CPT2: variants seen among roughly 807,000 people sequenced by gnomAD.
The protein encoded by CPT2 is carnitine palmitoyltransferase 2, also known as carnitine O-palmitoyltransferase 2, mitochondrial.
Under a neutral mutation model 48.6 loss-of-function variants are expected in CPT2, and 37 were observed. The observed-to-expected ratio is 0.76, with a 90% confidence interval of 0.59 to 1.00. The LOEUF is 1.00. CPT2 is among the 50% of genes least tolerant of loss of function. The pLI is 0.00. For missense variants in CPT2, 772 were observed against 825.6 expected (o/e 0.94, Z 0.80); for synonymous variants, 319 against 326.9 (o/e 0.98, Z 0.26).
intron 1 of CPT2, 67 bp downstream of exon 1, chr1:53,197,162 T>A: frequency 6.6e-7 from 1 of 1,525,388 alleles, no homozygotes; most frequent in Non-Finnish European, 8.8e-7. Flanking sequence ...CTGACTGCAG[T>A]CACTCATGAC....
At chr1:53,201,650 G>A (rs1572380530) in intron 2 of CPT2, 1 of 154,182 alleles carries the variant, frequency 6.5e-6, no homozygotes, top group East Asian at 1.9e-4. Context: ...AAAGTGGATT[G>A]CATTAAGCTC....
rs2100255111 is a variant in CPT2, at chr1:53,197,096, G to T, written c.152+1G>T. ...TGCACTACCAGGACAGCCTGCCCAG[G>T]TGAGCCTGGCCTCCGGGTCCCCGCC... On this transcript the variant is annotated splice_donor_variant, in intron 1 of 4. Coordinates refer to ENST00000371486, the MANE Select transcript of CPT2 (RefSeq NM_000098.3). LOFTEE classifies it high-confidence loss of function. The T allele has an allele frequency of 6.5e-7, 1 of 1,538,154 alleles. No homozygotes were observed.
chr1:53,209,799 A>G, intron 3 of CPT2: 1 of 588,568 alleles, frequency 1.7e-6, no homozygotes, highest in Non-Finnish European at 3.0e-6. Flanking sequence ...CAAAAACATT[A>G]TTGTAAGTGA....
In CPT2 at chr1:53,213,365, A is replaced by G; in HGVS notation, c.1747A>G (p.Asn583Asp). The change falls in exon 5 of 5, where the codon AAC becomes GAC. Residue 583 changes from asparagine (N) to aspartate (D), a missense_variant. Transcript: ENST00000371486. ...LYLDPAYGQI[N>D]HNVLSTSTLS... ...CCTGGACCCTGCATACGGGCAGATA[A>G]ACCACAATGTCCTGTCCACGAGCAC... 6.2e-7 allele frequency: 1 copy of G among 1,614,230 alleles called. No individual in the cohort carries two copies. Among genetic ancestry groups the G allele is most frequent in the Non-Finnish European group, 8.5e-7 (1 of 1,180,040 alleles).
chr1:53,206,797 G>T (rs918083687), intron 3 of CPT2, among the ~76,000 whole-genome samples: 3 of 152,202 alleles, frequency 2.0e-5, no homozygotes, highest in Non-Finnish European at 1.5e-5. Context: ...ACTCAGATGA[G>T]ACTTTGGCTT....
chr1:53,201,120 T>G (rs1473138590), intron 2 of CPT2: 1 of 400,952 alleles, frequency 2.5e-6, no homozygotes, highest in African/African-American at 2.1e-5. Context: ...GGAAGGGAGG[T>G]CCATTGAGGA....
chr1:53,201,200 T>G (rs537060928), intron 2 of CPT2: 12 of 262,792 alleles, frequency 4.6e-5, no homozygotes, highest in Non-Finnish European at 6.1e-5. Flanking sequence ...CCTCCAAAAT[T>G]TATGCCCTTT....
At chr1:53,197,525 A>G (rs1645330923) in intron 1 of CPT2, 1 of 278,332 alleles carries the variant, frequency 3.6e-6, no homozygotes, top group African/African-American at 2.3e-5. Flanking sequence ...GATTCCTAAT[A>G]CATCATGGTT....
At chr1:53,211,342 G>A in intron 4 of CPT2, 23 bp downstream of exon 4, 4 of 1,571,244 alleles carry the variant, frequency 2.5e-6, no homozygotes, top group Non-Finnish European at 2.6e-6. Flanking sequence ...TGGGGAGCAT[G>A]CCCTTGGGTC....
intron 4 of CPT2, chr1:53,211,688 C>T: frequency 3.4e-6 from 1 of 293,264 alleles, no homozygotes; most frequent in Non-Finnish European, 6.2e-6. Flanking sequence ...CAACCTCCAC[C>T]CCCAGGTTCA....
chr1:53,212,793 G>A (rs775782895), intron 4 of CPT2: 529 of 413,176 alleles, frequency 1.3e-3, no homozygotes, highest in Non-Finnish European at 1.8e-3. Flanking sequence ...AGAAAACCAA[G>A]CCACTGGCCC....
chr1:53,197,448 C>A, intron 1 of CPT2: 1 of 389,954 alleles, frequency 2.6e-6, no homozygotes, highest in Non-Finnish European at 4.8e-6. Context: ...TGTAATCCCT[C>A]GACTATGGTG....
Position 53,213,861 on chromosome 1 carries a change from G to A in CPT2, c.*266G>A. On this transcript the variant is annotated 3_prime_UTR_variant, in exon 5 of 5. Transcript: ENST00000371486. ...GAATTGCTTGAACCCAGGAGGTGGA[G>A]GTTGCAGTGAGCTGAGATCACACCA... 2.3e-6 allele frequency: 1 copy of A among 429,440 alleles called. No homozygotes were observed. The highest frequency in any genetic ancestry group is 4.4e-6 in the Non-Finnish European group (1 of 229,476). The allele number at this position is 429,440 out of a possible 1,614,324, so 26.6% of individuals were successfully genotyped here.
Position 53,213,705 on chromosome 1 carries a change from G to C in CPT2, c.*110G>C, listed in dbSNP as rs1286957534. ...GCATTTTGAGAGGCTGAGGCGGGTG[G>C]ATCACTTGAGGTCAGGAGTTTGAGA... On this transcript the variant is annotated 3_prime_UTR_variant, in exon 5 of 5. Coordinates refer to ENST00000371486, the MANE Select transcript of CPT2 (RefSeq NM_000098.3). 2 of 1,004,350 alleles carry C rather than the reference G, an allele frequency of 2.0e-6. No homozygotes were observed. Among genetic ancestry groups the C allele is most frequent in the Non-Finnish European group, 3.0e-6 (2 of 663,636 alleles). The allele number at this position is 1,004,350 out of a possible 1,614,324, so 62.2% of individuals were successfully genotyped here. A position where few individuals can be genotyped will look rare whatever the true frequency, so the allele number is the denominator to read the frequency against.
chr1:53,211,592 TTTTC>T lies in CPT2; in HGVS notation c.1645+281_1645+284del, dbSNP rs1192694970. 1.5e-3 allele frequency: 745 copies of T among 482,044 alleles called. 3 individuals carry two copies. The highest frequency in any genetic ancestry group is 9.0e-3 in the Middle Eastern group (17 of 1,880). 29.9% of individuals were successfully genotyped at this position (482,044 alleles called of 1,614,324 possible). A position where few individuals can be genotyped will look rare whatever the true frequency, so the allele number is the denominator to read the frequency against. ...TTTCAGCTGTGACGCATTAATTCTT[TTTTC>T]TTTCTTTTTTTTTTTTTTTTTTGGA... is the stretch of plus-strand genomic sequence containing the variant. On this transcript the variant is annotated intron_variant, in intron 4 of 4. Coordinates refer to ENST00000371486, the MANE Select transcript of CPT2 (RefSeq NM_000098.3).
chr1:53,205,097 T>G (rs895143312), intron 3 of CPT2, among the ~76,000 whole-genome samples: 3 of 152,092 alleles, frequency 2.0e-5, no homozygotes, highest in African/African-American at 7.2e-5. Context: ...TTGGAACAGT[T>G]TGGAGGGGTC....
chr1:53,210,366 G>T lies in CPT2; in HGVS notation c.692G>T (p.Arg231Leu). The T allele has an allele frequency of 6.2e-7, 1 of 1,614,070 alleles. No individual in the cohort carries two copies. Among genetic ancestry groups the T allele is most frequent in the South Asian group, 1.1e-5 (1 of 91,076 alleles). Residue 231 changes from arginine to leucine, a missense_variant, in exon 4 of 5, where the codon CGG becomes CTG. Transcript: ENST00000371486. ...FNSTRLPKPS[R>L]DELFTDDKAR... is the part of the protein sequence containing the mutation. The stretch of plus-strand genomic sequence containing the variant: ...TCAACTCGTTTACCCAAACCCAGTC[G>T]GGATGAACTCTTCACTGATGACAAG...
At position 53,211,496 on chromosome 1, in the gene CPT2, G is replaced by A. The variant is rs1380555698; in HGVS notation, c.1645+177G>A. ...TCTGAACAGCCACACTAGCCACTAG[G>A]GATCAGAATGTTCTTGCCTCCTAAG... On this transcript the variant is annotated intron_variant, in intron 4 of 4. Transcript: ENST00000371486. 4 of 624,060 alleles carry A rather than the reference G, an allele frequency of 6.4e-6. No individual in the cohort carries two copies. The East Asian group carries it at 1.1e-4, about 17-fold the overall frequency. The allele number at this position is 624,060 out of a possible 1,614,324, so 38.7% of individuals were successfully genotyped here. A position where few individuals can be genotyped will look rare whatever the true frequency, so the allele number is the denominator to read the frequency against.
chr1:53,197,765 C>T (rs1227437204), intron 1 of CPT2, among the ~76,000 whole-genome samples: 4 of 152,080 alleles, frequency 2.6e-5, no homozygotes, highest in Non-Finnish European at 4.4e-5. Flanking sequence ...AAGCCCTCCT[C>T]AACAGGTTCC....
Sources: gnomAD v4.1 joint callset for allele counts (sites outside exome capture counted in the v4.1 genomes callset) on GRCh38, gnomAD v4.1.1 for gene constraint, MANE v1.5 for transcripts, NCBI Gene and HGNC (gene_info 2026-07-23, HGNC 2026-07-21) for gene names.